Variants in MTMR12 observed in about 807,000 individuals in gnomAD.
MTMR12 encodes myotubularin-related protein 12.
A neutral mutation model predicts 96.7 loss-of-function variants in MTMR12; 33 were observed. The ratio of observed to expected loss-of-function variants is 0.34; its 90% confidence interval spans 0.26 to 0.46. The LOEUF is 0.46. Ranked by LOEUF, MTMR12 falls within the 20% of genes least tolerant of loss-of-function variation. The pLI, the probability that MTMR12 is intolerant of heterozygous loss-of-function variation, is 1.00. For synonymous variants in MTMR12, 298 were observed against 327.2 expected (o/e 0.91, Z 0.96); for missense variants, 721 against 896.1 (o/e 0.80, Z 2.49).
chr5:32,249,279 C>A (rs1048520085), intron 8 of MTMR12, among the ~76,000 whole-genome samples: 1 of 152,072 alleles, frequency 6.6e-6, no homozygotes, highest in Non-Finnish European at 1.5e-5. Context: ...GATTATTTAT[C>A]CCCCTTAACA....
At chr5:32,258,715 C>G (rs557279566) in intron 7 of MTMR12, among the ~76,000 whole-genome samples, 1 of 152,096 alleles carries the variant, frequency 6.6e-6, no homozygotes, top group East Asian at 1.9e-4. Flanking sequence ...TGTTTCTCAA[C>G]CTTTTCAGGA....
intron 5 of MTMR12, 99 bp downstream of exon 5, chr5:32,270,718 A>G: frequency 7.5e-7 from 1 of 1,336,894 alleles, no homozygotes; most frequent in Non-Finnish European, 1.0e-6. Flanking sequence ...TCACAGAGTG[A>G]AAGCCTCCCC....
rs116104074 is a variant in MTMR12 at position 32,245,517 on chromosome 5, G to A, written c.1022-1918C>T. Among the ~76,000 whole-genome samples, 819 of 152,130 alleles carry A rather than the reference G, an allele frequency of 5.4e-3. 4 individuals are homozygous for A. Among genetic ancestry groups the A allele is most frequent in the South Asian group, 0.039 (188 of 4,814 alleles). ...TTCCTGGGCATTTTTCTACAAAAGCGTTGGCCAACTTTCTTAAAACACTCT... is the reference window on the plus strand; with the variant it reads ...TTCCTGGGCATTTTTCTACAAAAGCATTGGCCAACTTTCTTAAAACACTCT... On this transcript the variant is annotated intron_variant, in intron 10 of 15. Transcript: ENST00000382142.
intron 1 of MTMR12, among the ~76,000 whole-genome samples, 178 bp from the exon 2 acceptor site, chr5:32,276,920 T>G (rs895126697): frequency 2.8e-5 from 4 of 144,200 alleles, no homozygotes; most frequent in African/African-American, 1.0e-4. Flanking sequence ...GGAGTCTCAC[T>G]CTGTTGCCAG....
intron 13 of MTMR12, among the ~76,000 whole-genome samples, chr5:32,236,781 G>A (rs532816876): frequency 4.3e-4 from 65 of 149,700 alleles, no homozygotes; most frequent in South Asian, 2.1e-3. Context: ...AGGTGGCAAT[G>A]AGCCAAGATT....
rs904353824 is a variant in MTMR12 at position 32,227,150 on chromosome 5, A to G, written c.*2628T>C. 3.3e-4 allele frequency: 51 copies of G among 152,688 alleles called. No individual in the cohort carries two copies. The highest frequency in any genetic ancestry group is 1.2e-3 in the African/African-American group (48 of 41,470). The allele number at this position is 152,688 out of a possible 1,614,324, so 9.5% of individuals were successfully genotyped here. On this transcript the variant is annotated 3_prime_UTR_variant, in exon 16 of 16. Coordinates refer to ENST00000382142, the MANE Select transcript of MTMR12 (RefSeq NM_001040446.3). ...GCTTATTCCCTTATAAAGAAAAAAAAAGTTTTGAATTAAAGCTAGTTTATC... is the reference window on the plus strand; with the variant it reads ...GCTTATTCCCTTATAAAGAAAAAAAGAGTTTTGAATTAAAGCTAGTTTATC...
intron 8 of MTMR12, 23 bp from the exon 9 acceptor site, chr5:32,248,901 A>G (rs1462987376): frequency 1.3e-6 from 2 of 1,581,780 alleles, no homozygotes; most frequent in Admixed American, 1.7e-5. Context: ...ATAAAGCTTT[A>G]CCAGATACAA....
rs35999870 is a variant in MTMR12, at chr5:32,279,076, C to CAAAAAAAAAAAAAAAAAAAAAA, written c.82-2356_82-2335dup. 9.9e-5 allele frequency among the ~76,000 whole-genome samples: 5 copies of CAAAAAAAAAAAAAAAAAAAAAA among 50,518 alleles called. 1 individual carries two copies. The highest frequency in any genetic ancestry group is 1.5e-4 in the African/African-American group (2 of 12,942). The allele number at this position is 50,518 out of a possible 152,430, so 33.1% of individuals were successfully genotyped here. A position where few individuals can be genotyped will look rare whatever the true frequency, so the allele number is the denominator to read the frequency against. On this transcript the variant is annotated intron_variant, in intron 1 of 15. Transcript: ENST00000382142. The stretch of plus-strand genomic sequence containing the variant: ...GGGCAACAAGAGCGAAACTCTGTCT[C>CAAAAAAAAAAAAAAAAAAAAAA]AAAAAAAAAAAAAAAAAAAAAAAAA...
chr5:32,253,765 G>C (rs1374500278), intron 8 of MTMR12, among the ~76,000 whole-genome samples: 1 of 152,238 alleles, frequency 6.6e-6, no homozygotes, highest in Non-Finnish European at 1.5e-5. Context: ...GGGACTATGG[G>C]CATGTGCCAC....
At position 32,230,298 on chromosome 5, in the gene MTMR12, T is replaced by C. The variant is rs747975831; in HGVS notation, c.1724A>G (p.Lys575Arg). The C allele has an allele frequency of 1.9e-6, 3 of 1,613,670 alleles. No individual in the cohort carries two copies. Among genetic ancestry groups the C allele is most frequent in the African/African-American group, 1.3e-5 (1 of 75,010 alleles). Residue 575 changes from lysine to arginine, a missense_variant, in exon 16 of 16, where the codon AAA becomes AGA. Coordinates refer to ENST00000382142, the MANE Select transcript of MTMR12 (RefSeq NM_001040446.3). Reference sequence around the variant, plus strand: ...TGTTTCTTCCCTGAAAAATCCTCTTTTGGGAGATGACTTAGATTGTGTAAG... The same window carrying C: ...TGTTTCTTCCCTGAAAAATCCTCTTCTGGGAGATGACTTAGATTGTGTAAG... Reference protein sequence around the residue: ...LPLTQSKSSPKRGFFREETDH... With the variant: ...LPLTQSKSSPRRGFFREETDH...
Position 32,243,520 on chromosome 5 carries a change from C to T in MTMR12, c.1100+1G>A. Reference sequence around the variant, plus strand: ...ATGAGTAAAACAATGGTTTGAAATACCTGATTATGTCAAGCCAGCTGCTAC... The same window carrying T: ...ATGAGTAAAACAATGGTTTGAAATATCTGATTATGTCAAGCCAGCTGCTAC... On this transcript the variant is annotated splice_donor_variant, in intron 11 of 15. Coordinates refer to ENST00000382142, the MANE Select transcript of MTMR12 (RefSeq NM_001040446.3). LOFTEE classifies it high-confidence loss of function. The T allele has an allele frequency of 6.2e-7, 1 of 1,605,182 alleles. No homozygotes were observed. Among genetic ancestry groups the T allele is most frequent in the Non-Finnish European group, 8.5e-7 (1 of 1,172,830 alleles).
chr5:32,289,324 G>A (rs1331498249), intron 1 of MTMR12, among the ~76,000 whole-genome samples: 1 of 152,164 alleles, frequency 6.6e-6, no homozygotes, highest in Non-Finnish European at 1.5e-5. Context: ...TAAAAACAGA[G>A]AATCACGGCC....
chr5:32,241,052 G>A (rs1168835120), intron 12 of MTMR12, among the ~76,000 whole-genome samples: 2 of 152,224 alleles, frequency 1.3e-5, no homozygotes, highest in Non-Finnish European at 2.9e-5. Flanking sequence ...AGTTCTATCA[G>A]TCAAAGATTC....
chr5:32,258,669 C>T (rs998233080), intron 7 of MTMR12, among the ~76,000 whole-genome samples: 5 of 152,104 alleles, frequency 3.3e-5, no homozygotes, highest in African/African-American at 9.7e-5. Flanking sequence ...TAAATGGAGA[C>T]GCACTGCTCT....
intron 9 of MTMR12, 122 bp from the exon 10 acceptor site, chr5:32,248,248 C>T (rs1748775922): frequency 1.8e-6 from 2 of 1,116,520 alleles, no homozygotes; most frequent in Non-Finnish European, 2.5e-6. Flanking sequence ...TCTTCACCTA[C>T]CAGGCAATTG....
chr5:32,279,562 G>C (rs1161232055), intron 1 of MTMR12, among the ~76,000 whole-genome samples: 2 of 152,324 alleles, frequency 1.3e-5, no homozygotes, highest in East Asian at 3.9e-4. Context: ...TCCATTGCTT[G>C]TAAAGGAAAC....
chr5:32,272,208 G>A (rs1057012761), intron 3 of MTMR12, among the ~76,000 whole-genome samples: 15 of 152,126 alleles, frequency 9.9e-5, no homozygotes, highest in Non-Finnish European at 2.1e-4. Flanking sequence ...GGAGAATGGC[G>A]TGAAACCAGG....
At position 32,239,144 on chromosome 5, in the gene MTMR12, T is replaced by G. The variant is rs780501516; in HGVS notation, c.1201A>C (p.Ile401Leu). ...EENASDLCCL[I>L]SSLVQLMMDP... ...ATCATCAGTTGCACCAGAGAGGAAA[T>G]GAGACAGCAGAGGTCGGATGCATTC... Residue 401 changes from isoleucine (I) to leucine (L), a missense_variant, in exon 13 of 16, where the codon ATT (isoleucine) becomes CTT (leucine). Transcript: ENST00000382142. 6.2e-7 allele frequency: 1 copy of G among 1,605,708 alleles called. No homozygotes were observed. Among genetic ancestry groups the G allele is most frequent in the South Asian group, 1.1e-5 (1 of 88,488 alleles).
chr5:32,285,019 G>A (rs1750472746), intron 1 of MTMR12, among the ~76,000 whole-genome samples: 1 of 152,158 alleles, frequency 6.6e-6, no homozygotes, highest in Admixed American at 6.6e-5. Context: ...AGCACGTCCA[G>A]GTTTTCTAAA....
Sources: allele counts gnomAD v4.1 joint callset (sites outside exome capture counted in the v4.1 genomes callset), GRCh38; gene constraint gnomAD v4.1.1; transcripts MANE v1.5; gene names NCBI Gene and HGNC (gene_info 2026-07-23, HGNC 2026-07-21).